CSMD1: variants seen among roughly 807,000 people sequenced by gnomAD.
CSMD1 encodes the protein CUB and sushi domain-containing protein 1.
In CSMD1, 213 loss-of-function variants were observed where a neutral mutation model predicts 417.5. The ratio of observed to expected loss-of-function variants is 0.51; its 90% CI spans 0.46 to 0.57. CSMD1 has a LOEUF of 0.57. Ranked by LOEUF, CSMD1 falls within the 20% of genes least tolerant of loss-of-function variation. The probability of loss-of-function intolerance (pLI) is 0.00; values close to 1 mark genes in which losing one functional copy is unlikely to be tolerated. For missense variants in CSMD1, 6,923 were observed against 4,529.7 expected, an observed-to-expected ratio of 1.53 and a Z score of -15.17; for synonymous variants, 2,862 against 1,736.8, an observed-to-expected ratio of 1.65 and a Z score of -16.11.
chr8:3,399,451 A>G lies in CSMD1; in HGVS notation c.2345T>C (p.Leu782Ser). Residue 782 changes from leucine to serine, a missense_variant, in exon 16 of 70, where the codon TTA becomes TCA. By Grantham distance (145) the Leu-to-Ser change is moderately radical (BLOSUM62 -2). Coordinates refer to ENST00000635120, the MANE Select transcript of CSMD1 (RefSeq NM_033225.6). ...TGCTTCAATTATCCATTCACAATGT[A>G]AAGAATCCTTATAATATCCTGGCCA... ...PGWPGYYKDS[L>S]HCEWIIEAKP... is the part of the protein sequence containing the mutation. 1 of 1,610,812 alleles carries G rather than the reference A, an allele frequency of 6.2e-7. No individual in the cohort carries two copies. The highest frequency in any genetic ancestry group is 8.5e-7 in the Non-Finnish European group (1 of 1,178,472).
Position 3,451,846 on chromosome 8 carries a change from C to T in CSMD1, c.1561+16866G>A, listed in dbSNP as rs554786608. On this transcript the variant is annotated intron_variant, in intron 12 of 69. Transcript: ENST00000635120. ...ACTTTAAAGTAGTTTTTTCCAATTACGTGAAGAAAGTCATTGGTAGCTTGA... is the reference window on the plus strand; with the variant it reads ...ACTTTAAAGTAGTTTTTTCCAATTATGTGAAGAAAGTCATTGGTAGCTTGA... Among the ~76,000 whole-genome samples, 105 of 152,058 alleles carry T rather than the reference C, an allele frequency of 6.9e-4. 1 individual carries two copies. Among genetic ancestry groups the T allele is most frequent in the East Asian group, 5.4e-3 (28 of 5,158 alleles).
chr8:3,569,234 C>T (rs967293703), intron 10 of CSMD1, among the ~76,000 whole-genome samples: 29 of 152,140 alleles, frequency 1.9e-4, no homozygotes, highest in South Asian at 2.1e-4. Flanking sequence ...GATTTTCTAA[C>T]GATAGATATT....
In CSMD1 at chr8:3,873,816, A is replaced by G. The variant is rs147415773; in HGVS notation, c.819-119774T>C. Reference sequence around the variant, plus strand: ...TAGACTGGGAGAAAGAAAAGCACACATGGTCACGGTGTTTGTAGTTTCTGG... The same window carrying G: ...TAGACTGGGAGAAAGAAAAGCACACGTGGTCACGGTGTTTGTAGTTTCTGG... On this transcript the variant is annotated intron_variant, in intron 5 of 69. Coordinates refer to ENST00000635120, the MANE Select transcript of CSMD1 (RefSeq NM_033225.6). Among the ~76,000 whole-genome samples, 186 of 152,282 alleles carry G rather than the reference A, an allele frequency of 1.2e-3. 1 individual carries two copies. The highest frequency in any genetic ancestry group is 4.3e-3 in the African/African-American group (180 of 41,578).
chr8:3,910,074 G>C (rs868753565), intron 5 of CSMD1, among the ~76,000 whole-genome samples: 2 of 152,150 alleles, frequency 1.3e-5, no homozygotes, highest in African/African-American at 4.8e-5. Context: ...AAGACCAGCT[G>C]CTAACATGGC....
chr8:3,950,644 A>T (rs1811539095), intron 5 of CSMD1, among the ~76,000 whole-genome samples: 1 of 152,144 alleles, frequency 6.6e-6, no homozygotes, highest in Admixed American at 6.5e-5. Context: ...CTTTTTCTTC[A>T]TGATGGTTAA....
intron 26 of CSMD1, among the ~76,000 whole-genome samples, chr8:3,280,941 A>C (rs956209705): frequency 6.6e-6 from 1 of 152,224 alleles, no homozygotes. Context: ...AGGTTTCAAC[A>C]GTGATTGTTA....
intron 46 of CSMD1, among the ~76,000 whole-genome samples, chr8:3,103,010 C>G (rs144169805): frequency 0.013 from 2,007 of 152,196 alleles, 46 homozygotes; most frequent in African/African-American, 0.046. Context: ...TAGCGGGAGA[C>G]AAAACAAGAC....
At chr8:3,738,539 A>G (rs1337038499) in intron 6 of CSMD1, among the ~76,000 whole-genome samples, 1 of 152,212 alleles carries the variant, frequency 6.6e-6, no homozygotes, top group Non-Finnish European at 1.5e-5. Context: ...CCTGCCGCCA[A>G]ACATGAATGC....
At chr8:4,516,359 C>G (rs767700907) in intron 2 of CSMD1, among the ~76,000 whole-genome samples, 7 of 152,138 alleles carry the variant, frequency 4.6e-5, no homozygotes, top group Non-Finnish European at 8.8e-5. Flanking sequence ...TTTAAGGCAT[C>G]CAGTTTGTGG....
chr8:3,358,576 AC>A (rs145447754), intron 21 of CSMD1, among the ~76,000 whole-genome samples: 1,879 of 152,300 alleles, frequency 0.012, 35 homozygotes, highest in African/African-American at 0.043. Flanking sequence ...ATGGCAAAGT[AC>A]CGAAATAAAA....
intron 10 of CSMD1, among the ~76,000 whole-genome samples, chr8:3,503,627 C>A (rs899791552): frequency 6.6e-6 from 1 of 152,176 alleles, no homozygotes; most frequent in Non-Finnish European, 1.5e-5. Flanking sequence ...CATAAATTAC[C>A]GTAATTCTCT....
chr8:4,785,891 C>G (rs1211088589), intron 1 of CSMD1, among the ~76,000 whole-genome samples: 1 of 152,042 alleles, frequency 6.6e-6, no homozygotes, highest in Non-Finnish European at 1.5e-5. Context: ...GGATTTTAAC[C>G]CAAACAGTGA....
In CSMD1 at chr8:3,953,075, A is replaced by T. The variant is rs555210922; in HGVS notation, c.818+44828T>A. Among the ~76,000 whole-genome samples the T allele has an allele frequency of 8.2e-4, 125 of 152,248 alleles. 1 individual carries two copies. The highest frequency in any genetic ancestry group is 2.9e-3 in the African/African-American group (122 of 41,572). ...ATGAAAAGAACAGAAAAGAAACAGTATTTGTAAAGGAGAAGAAAATCAAAA... is the reference window on the plus strand; with the variant it reads ...ATGAAAAGAACAGAAAAGAAACAGTTTTTGTAAAGGAGAAGAAAATCAAAA... On this transcript the variant is annotated intron_variant, in intron 5 of 69. Coordinates refer to ENST00000635120, the MANE Select transcript of CSMD1 (RefSeq NM_033225.6).
At chr8:3,333,866 T>C (rs1807066898) in intron 23 of CSMD1, among the ~76,000 whole-genome samples, 2 of 152,230 alleles carry the variant, frequency 1.3e-5, no homozygotes, top group African/African-American at 4.8e-5. Flanking sequence ...CAGCAATGCT[T>C]ACACATCACA....
intron 1 of CSMD1, among the ~76,000 whole-genome samples, chr8:4,970,283 G>C (rs575729888): frequency 6.6e-6 from 1 of 152,066 alleles, no homozygotes; most frequent in Non-Finnish European, 1.5e-5. Flanking sequence ...GTAAGTGATA[G>C]ATCATTTGTC....
chr8:4,122,696 G>T (rs1435860317), intron 3 of CSMD1, among the ~76,000 whole-genome samples: 1 of 152,160 alleles, frequency 6.6e-6, no homozygotes, highest in Admixed American at 6.5e-5. Flanking sequence ...GCTGGGCATG[G>T]CTAAATGCTG....
chr8:4,351,214 G>C (rs570925089), intron 3 of CSMD1, among the ~76,000 whole-genome samples: 1 of 151,948 alleles, frequency 6.6e-6, no homozygotes, highest in Admixed American at 6.6e-5. Context: ...AATGTACCAA[G>C]TTTCACCTGA....
intron 5 of CSMD1, among the ~76,000 whole-genome samples, chr8:3,754,498 A>T (rs2129054006): frequency 6.6e-6 from 1 of 152,082 alleles, no homozygotes; most frequent in Non-Finnish European, 1.5e-5. Context: ...TGTGTCATCC[A>T]GGCTGGAGGG....
chr8:3,084,022 T>C (rs1480810541), intron 49 of CSMD1, among the ~76,000 whole-genome samples: 1 of 152,124 alleles, frequency 6.6e-6, no homozygotes, highest in Non-Finnish European at 1.5e-5. Context: ...AATCTTTTTG[T>C]TGTTGTTGTT....
Sources: gnomAD v4.1 joint callset for allele counts (sites outside exome capture counted in the v4.1 genomes callset) on GRCh38, gnomAD v4.1.1 for gene constraint, MANE v1.5 for transcripts, NCBI Gene and HGNC (gene_info 2026-07-23, HGNC 2026-07-21) for gene names.